PPARGC1A: variants seen among roughly 807,000 people sequenced by gnomAD.
PPARGC1A encodes the protein PPARG coactivator 1 alpha, also known as peroxisome proliferator-activated receptor gamma coactivator 1-alpha.
Under a neutral mutation model 88.7 loss-of-function variants are expected in PPARGC1A, and 25 were observed. The observed-to-expected ratio is 0.28, with a 90% CI of 0.21 to 0.39. PPARGC1A has a LOEUF of 0.39. Ranked by LOEUF, PPARGC1A falls within the 10% of genes least tolerant of loss-of-function variation. PPARGC1A has a pLI of 1.00. For missense variants in PPARGC1A, 880 were observed against 968.7 expected (o/e 0.91, Z 1.22); for synonymous variants, 363 against 355.6 (o/e 1.02, Z -0.24).
At chr4:24,439,007 A>G in the PPARGC1A span, among the ~76,000 whole-genome samples, 2 of 152,114 alleles carry the variant, frequency 1.3e-5, no homozygotes, top group Admixed American at 6.6e-5. Context: ...TTATAACACA[A>G]ACGAAAAGGA....
At chr4:23,985,375 C>G in the PPARGC1A span, among the ~76,000 whole-genome samples, 1 of 151,970 alleles carries the variant, frequency 6.6e-6, no homozygotes, top group African/African-American at 2.4e-5. Flanking sequence ...GTGGAAGAGG[C>G]TGGCTCCTGC....
chr4:23,898,881 G>A (rs556691898), intron 1 of PPARGC1A, among the ~76,000 whole-genome samples: 2 of 148,214 alleles, frequency 1.3e-5, no homozygotes, highest in East Asian at 4.0e-4. Context: ...TTTTGCCCAG[G>A]CTGGAATACA....
chr4:23,920,336 C>T, the PPARGC1A span, among the ~76,000 whole-genome samples: 2 of 152,194 alleles, frequency 1.3e-5, no homozygotes, highest in Admixed American at 6.5e-5. Flanking sequence ...GAGCCTCTGG[C>T]TGCTACAACT....
the PPARGC1A span, among the ~76,000 whole-genome samples, chr4:24,230,464 G>T: frequency 6.6e-6 from 1 of 152,072 alleles, no homozygotes; most frequent in Admixed American, 6.6e-5. Context: ...CAAGAGATGT[G>T]GTTGACTCAC....
chr4:24,269,503 A>T, the PPARGC1A span, among the ~76,000 whole-genome samples: 1 of 152,216 alleles, frequency 6.6e-6, no homozygotes, highest in Non-Finnish European at 1.5e-5. Flanking sequence ...CTACGTTCAA[A>T]TCTTAGCTCT....
chr4:23,978,127 G>T, the PPARGC1A span, among the ~76,000 whole-genome samples: 1 of 152,192 alleles, frequency 6.6e-6, no homozygotes, highest in African/African-American at 2.4e-5. Context: ...TAAAGAAAAA[G>T]CTCTAGCATT....
the PPARGC1A span, among the ~76,000 whole-genome samples, chr4:24,206,619 G>T: frequency 6.6e-6 from 1 of 151,936 alleles, no homozygotes; most frequent in Non-Finnish European, 1.5e-5. Context: ...ATCACTTGAG[G>T]CCAGGAGTTC....
chr4:24,434,783 C>G, the PPARGC1A span, among the ~76,000 whole-genome samples: 1 of 152,182 alleles, frequency 6.6e-6, no homozygotes, highest in Non-Finnish European at 1.5e-5. Flanking sequence ...TTGCTCTCAC[C>G]TAATTCTTTT....
the PPARGC1A span, among the ~76,000 whole-genome samples, chr4:23,974,876 T>G: frequency 1.4e-5 from 2 of 144,546 alleles, no homozygotes; most frequent in Non-Finnish European, 3.0e-5. Flanking sequence ...AGGATGGTCT[T>G]GATCTCCTGA....
the PPARGC1A span, among the ~76,000 whole-genome samples, chr4:23,923,481 A>G: frequency 2.6e-5 from 4 of 152,232 alleles, no homozygotes; most frequent in South Asian, 6.2e-4. Flanking sequence ...GTAGACCAAA[A>G]AAACAATGAA....
At chr4:24,324,601 C>T in the PPARGC1A span, among the ~76,000 whole-genome samples, 23 of 152,270 alleles carry the variant, frequency 1.5e-4, no homozygotes, top group Middle Eastern at 6.8e-3. Context: ...TCTGCAATGC[C>T]GCTTGACCCC....
chr4:23,878,168 C>T (rs6823474), intron 2 of PPARGC1A, among the ~76,000 whole-genome samples: 2,769 of 152,160 alleles, frequency 0.018, 79 homozygotes, highest in African/African-American at 0.063. Flanking sequence ...GAAAAACCTA[C>T]AATAAGCCCA....
chr4:24,375,973 A>G, the PPARGC1A span, among the ~76,000 whole-genome samples: 2 of 151,786 alleles, frequency 1.3e-5, no homozygotes, highest in South Asian at 4.2e-4. Flanking sequence ...TGTGGGTAAC[A>G]TTGTCAGAAA....
At chr4:24,077,649 G>A in the PPARGC1A span, among the ~76,000 whole-genome samples, 1 of 148,716 alleles carries the variant, frequency 6.7e-6, no homozygotes, top group Admixed American at 6.7e-5. Flanking sequence ...GTGTGTGTGT[G>A]TGTGTGTGTG....
At chr4:24,232,154 A>T in the PPARGC1A span, among the ~76,000 whole-genome samples, 1 of 151,970 alleles carries the variant, frequency 6.6e-6, no homozygotes, top group Non-Finnish European at 1.5e-5. Flanking sequence ...GGCAGCTATC[A>T]TGATCCGACT....
chr4:24,163,846 G>A, the PPARGC1A span, among the ~76,000 whole-genome samples: 4 of 152,244 alleles, frequency 2.6e-5, no homozygotes, highest in Admixed American at 6.5e-5. Context: ...TGTTTAAGAC[G>A]AACAGCCCAT....
chr4:24,123,803 C>T, the PPARGC1A span, among the ~76,000 whole-genome samples: 1 of 150,848 alleles, frequency 6.6e-6, no homozygotes, highest in Admixed American at 6.6e-5. Context: ...TAGCATTGCT[C>T]TTTTCAGATG....
the PPARGC1A span, among the ~76,000 whole-genome samples, chr4:24,338,008 C>CT: frequency 2.6e-5 from 4 of 152,144 alleles, no homozygotes; most frequent in Non-Finnish European, 4.4e-5. Flanking sequence ...CTGAACTCCC[C>CT]TCTTCTCTTG....
chr4:24,387,904 GAGAAAGAAAGAA>G, the PPARGC1A span, among the ~76,000 whole-genome samples: 1 of 25,204 alleles, frequency 4.0e-5, no homozygotes, highest in African/African-American at 8.2e-5. Context: ...GAAAAAGAAA[GAGAAAGAAAGAA>G]AGAAAGAAAG....
Sources: allele counts gnomAD v4.1 joint callset (sites outside exome capture counted in the v4.1 genomes callset), GRCh38; gene constraint gnomAD v4.1.1; transcripts MANE v1.5; gene names NCBI Gene and HGNC (gene_info 2026-07-23, HGNC 2026-07-21).